RGMB: variants seen among roughly 807,000 people sequenced by gnomAD.
RGMB encodes the protein repulsive guidance molecule BMP co-receptor b, also known as repulsive guidance molecule B.
In RGMB, 16 loss-of-function variants were observed where a neutral mutation model predicts 26.9. The ratio of observed to expected loss-of-function variants is 0.60; its 90% CI spans 0.40 to 0.90. The LOEUF is 0.90. Among genes scored for constraint, RGMB ranks in the 40% least tolerant of loss-of-function variants. The pLI is 0.00. For synonymous variants in RGMB, 225 were observed against 229.3 expected, an observed-to-expected ratio of 0.98 and a Z score of 0.17; for missense variants, 512 against 573.3, an observed-to-expected ratio of 0.89 and a Z score of 1.09.
At position 98,779,972 on chromosome 5, in the gene RGMB, AAC is replaced by A. The variant is rs1335319844; in HGVS notation, c.530_531del (p.Asn177IlefsTer15). 18 of 1,613,844 alleles carry A rather than the reference AAC, an allele frequency of 1.1e-5. No individual in the cohort carries two copies. The highest frequency in any genetic ancestry group is 1.5e-5 in the Non-Finnish European group (18 of 1,179,774). On this transcript the variant is annotated frameshift_variant, in exon 2 of 3. Coordinates refer to ENST00000513185, the MANE Select transcript of RGMB (RefSeq NM_001366508.1). LOFTEE classifies it high-confidence loss of function. ...TCCTCACCTCAGAACTTTCAAGGAT[AAC>A]TTCCAAACATGCAAAGTAGAAGGGG... ...GDPHLRTFKD[N>X]FQTCKVEGAW...
chr5:98,770,930 G>A (rs1746141672), upstream of RGMB: 2 of 381,876 alleles, frequency 5.2e-6, no homozygotes, highest in Non-Finnish European at 9.3e-6. Flanking sequence ...ACTCTAGAAA[G>A]GATTGCACAA....
chr5:98,777,496 G>A (rs941603670), intron 1 of RGMB, among the ~76,000 whole-genome samples: 1 of 152,140 alleles, frequency 6.6e-6, no homozygotes, highest in Non-Finnish European at 1.5e-5. Flanking sequence ...AAGAGGAGAC[G>A]TGACCTGTGA....
intron 2 of RGMB, among the ~76,000 whole-genome samples, chr5:98,791,928 AT>A (rs570145007): frequency 8.5e-5 from 13 of 152,110 alleles, no homozygotes; most frequent in South Asian, 2.1e-4. Flanking sequence ...ATTATTAGTA[AT>A]TTTTTTTCTT....
At chr5:98,778,736 T>C (rs1018624960) in intron 1 of RGMB, among the ~76,000 whole-genome samples, 5 of 152,176 alleles carry the variant, frequency 3.3e-5, no homozygotes, top group East Asian at 1.9e-4. Flanking sequence ...CATTTGGAAA[T>C]TGATTTTTTT....
chr5:98,786,877 G>T (rs1746780264), intron 2 of RGMB, among the ~76,000 whole-genome samples: 1 of 152,128 alleles, frequency 6.6e-6, no homozygotes, highest in African/African-American at 2.4e-5. Flanking sequence ...AGTTTTTTAT[G>T]CCCCAGTTAA....
intron 2 of RGMB, among the ~76,000 whole-genome samples, chr5:98,790,648 T>C (rs149558003): frequency 1.1e-4 from 16 of 152,316 alleles, no homozygotes; most frequent in African/African-American, 3.8e-4. Flanking sequence ...GACCCTTGCT[T>C]GCTTTTTGGA....
In RGMB at chr5:98,794,202, G is replaced by A. The variant is rs78736744; in HGVS notation, c.*449G>A. The A allele has an allele frequency of 4.3e-3, 659 of 153,354 alleles. 16 individuals are homozygous for A. Among genetic ancestry groups the A allele is most frequent in the Admixed American group, 0.032 (496 of 15,384 alleles). 9.5% of individuals were successfully genotyped at this position (153,354 alleles called of 1,614,324 possible). A position where few individuals can be genotyped will look rare whatever the true frequency, so the allele number is the denominator to read the frequency against. ...TTGCCACGGTGTGCAGCTTTTACTC[G>A]CCACCTTCCGGTGGAGCTGCCTCGT... On this transcript the variant is annotated 3_prime_UTR_variant, in exon 3 of 3. Coordinates refer to ENST00000513185, the MANE Select transcript of RGMB (RefSeq NM_001366508.1).
upstream of RGMB, chr5:98,771,069 T>C (rs1307504791): frequency 1.1e-5 from 2 of 179,990 alleles, no homozygotes; most frequent in African/African-American, 4.7e-5. Flanking sequence ...CTGCATCTTG[T>C]TTAGAATCCA....
In RGMB at chr5:98,773,784, G is replaced by C; in HGVS notation, c.-287G>C. 7.2e-6 allele frequency: 3 copies of C among 418,926 alleles called. 1 individual carries two copies. The highest frequency in any genetic ancestry group is 1.3e-5 in the Non-Finnish European group (3 of 239,398). The allele number at this position is 418,926 out of a possible 1,614,324, so 26.0% of individuals were successfully genotyped here. On this transcript the variant is annotated 5_prime_UTR_variant, in exon 1 of 3. Transcript: ENST00000513185. ...GCCGGCGCGCTCGGGACTCGTCTCA[G>C]CAGTCGCTCACGGTCTTTGTGTCTT...
At chr5:98,787,943 T>TC (rs1746813378) in intron 2 of RGMB, among the ~76,000 whole-genome samples, 1 of 152,198 alleles carries the variant, frequency 6.6e-6, no homozygotes, top group Admixed American at 6.5e-5. Context: ...TGCGTGTCCT[T>TC]CCCCTCTGGT....
At chr5:98,776,884 C>G (rs1036922081) in intron 1 of RGMB, among the ~76,000 whole-genome samples, 1 of 152,288 alleles carries the variant, frequency 6.6e-6, no homozygotes, top group Middle Eastern at 3.4e-3. Flanking sequence ...GTTGGGAGTT[C>G]AAGACCTGCC....
In RGMB at chr5:98,793,347, AC is replaced by A. The variant is rs1464270015; in HGVS notation, c.909del (p.Tyr303Ter). The stretch of plus-strand genomic sequence containing the variant: ...ATGCCTGAAGACCTGGCCATGTCCT[AC>A]GAGGAGAGCCAGGACCTGCAGCTGT... ...IRMPEDLAMSYEESQDLQLCV... is the reference protein window; with the variant it reads ...IRMPEDLAMSXEESQDLQLCV... On this transcript the variant is annotated frameshift_variant, in exon 3 of 3. Transcript: ENST00000513185. LOFTEE classifies it high-confidence loss of function. 1.2e-6 allele frequency: 2 copies of A among 1,613,736 alleles called. No individual in the cohort carries two copies. Among genetic ancestry groups the A allele is most frequent in the Non-Finnish European group, 1.7e-6 (2 of 1,179,846 alleles).
At chr5:98,777,820 C>G (rs188501003) in intron 1 of RGMB, among the ~76,000 whole-genome samples, 6 of 151,662 alleles carry the variant, frequency 4.0e-5, no homozygotes, top group Non-Finnish European at 1.5e-5. Flanking sequence ...GTTTTTGTAA[C>G]TTTTTTTTTG....
upstream of RGMB, chr5:98,769,333 C>G (rs1040574478): frequency 6.6e-6 from 1 of 152,612 alleles, no homozygotes; most frequent in Non-Finnish European, 1.5e-5. Flanking sequence ...CTGGAGGAAG[C>G]TGCTGGGGTG....
intron 2 of RGMB, among the ~76,000 whole-genome samples, chr5:98,782,627 A>G (rs940844818): frequency 1.3e-5 from 2 of 152,162 alleles, no homozygotes; most frequent in African/African-American, 4.8e-5. Context: ...CAGTGCCACT[A>G]GATTGAAAGA....
chr5:98,794,059 G>T lies in RGMB; in HGVS notation c.*306G>T, dbSNP rs759430398. 2 of 229,976 alleles carry T rather than the reference G, an allele frequency of 8.7e-6. No individual in the cohort carries two copies. The highest frequency in any genetic ancestry group is 1.7e-5 in the Non-Finnish European group (2 of 118,052). The allele number at this position is 229,976 out of a possible 1,614,324, so 14.2% of individuals were successfully genotyped here. On this transcript the variant is annotated 3_prime_UTR_variant, in exon 3 of 3. Coordinates refer to ENST00000513185, the MANE Select transcript of RGMB (RefSeq NM_001366508.1). ...ATATTAAATATTTATGTGTGTGCTT[G>T]GTTGATATGTATAGTACATATACAC... is the stretch of plus-strand genomic sequence containing the variant.
intron 1 of RGMB, among the ~76,000 whole-genome samples, chr5:98,776,124 G>A (rs776019451): frequency 2.6e-5 from 4 of 152,150 alleles, no homozygotes; most frequent in Admixed American, 6.5e-5. Context: ...CACACGTGTA[G>A]TCCTGGTGTT....
Position 98,773,671 on chromosome 5 carries a change from A to C in RGMB, c.-400A>C. The C allele has an allele frequency of 1.4e-5, 5 of 350,440 alleles. No homozygotes were observed. Among genetic ancestry groups the C allele is most frequent in the African/African-American group, 2.1e-5 (1 of 47,016 alleles). 21.7% of individuals were successfully genotyped at this position (350,440 alleles called of 1,614,324 possible). The stretch of plus-strand genomic sequence containing the variant: ...ACCGCGGGGGCTGCCGCGCAGAGAT[A>C]TCCGGGCCGCCGGTGGGTGGTCGCT... On this transcript the variant is annotated 5_prime_UTR_variant, in exon 1 of 3. Coordinates refer to ENST00000513185, the MANE Select transcript of RGMB (RefSeq NM_001366508.1).
At chr5:98,769,033 G>A (rs1423403578), upstream of RGMB, among the ~76,000 whole-genome samples, 1 of 152,196 alleles carries the variant, frequency 6.6e-6, no homozygotes, top group Admixed American at 6.5e-5. Flanking sequence ...CCGCGGGTGG[G>A]CGAAGGCAGC....
Sources: gnomAD v4.1 joint callset for allele counts (sites outside exome capture counted in the v4.1 genomes callset) on GRCh38, gnomAD v4.1.1 for gene constraint, MANE v1.5 for transcripts, NCBI Gene and HGNC (gene_info 2026-07-23, HGNC 2026-07-21) for gene names.